The following DNAH6 variants were observed in gnomAD, a reference collection of about 807,000 sequenced individuals.
DNAH6 encodes axonemal beta dynein heavy chain 6.
In DNAH6, 340 loss-of-function variants were observed where a neutral mutation model predicts 491.4. The observed-to-expected ratio is 0.69, with a 90% CI of 0.63 to 0.76. The LOEUF is 0.76. Among genes scored for constraint, DNAH6 ranks in the 30% least tolerant of loss-of-function variants. The probability of loss-of-function intolerance (pLI) is 0.00; values close to 1 mark genes in which losing one functional copy is unlikely to be tolerated. For missense variants in DNAH6, 4,443 were observed against 4,972.2 expected (o/e 0.89, Z 3.20); for synonymous variants, 1,603 against 1,686.1 (o/e 0.95, Z 1.21).
At chr2:84,516,607 G>A (rs946339050) in intron 1 of DNAH6, 24 bp downstream of exon 1, 2 of 152,190 alleles carry the variant, frequency 1.3e-5, no homozygotes, top group African/African-American at 4.8e-5. Flanking sequence ...ACCGACCCTC[G>A]GGCCTGGGCT....
At position 84,579,680 on chromosome 2, in the gene DNAH6, G is replaced by T. The variant is rs771324540; in HGVS notation, c.2229+1G>T. On this transcript the variant is annotated splice_donor_variant, in intron 14 of 76. Coordinates refer to ENST00000389394, the MANE Select transcript of DNAH6 (RefSeq NM_001370.2). LOFTEE classifies it high-confidence loss of function. ...ATTTCTTGATGAAATTCAGGAACGG[G>T]TGAGTTGATTATCTCATATAACTCA... 3 of 1,577,426 alleles carry T rather than the reference G, an allele frequency of 1.9e-6. No individual in the cohort carries two copies. Among genetic ancestry groups the T allele is most frequent in the South Asian group, 1.2e-5 (1 of 83,942 alleles).
intron 39 of DNAH6, among the ~76,000 whole-genome samples, chr2:84,670,753 TG>T (rs1385685703): frequency 2.0e-5 from 3 of 152,232 alleles, no homozygotes; most frequent in Non-Finnish European, 4.4e-5. Flanking sequence ...CAACATGCAC[TG>T]ATTTCCCCTT....
chr2:84,571,208 A>G (rs1681824669), intron 11 of DNAH6, among the ~76,000 whole-genome samples: 1 of 152,226 alleles, frequency 6.6e-6, no homozygotes. Context: ...GTAGAAAGAA[A>G]ACACAATTAG....
the DNAH6 span, among the ~76,000 whole-genome samples, chr2:84,507,469 G>T: frequency 6.6e-6 from 1 of 152,208 alleles, no homozygotes; most frequent in Non-Finnish European, 1.5e-5. Flanking sequence ...ATTTTGGGCT[G>T]AGACGATGGG....
At position 84,589,944 on chromosome 2, in the gene DNAH6, C is replaced by T. The variant is rs1035526302; in HGVS notation, c.2610+990C>T. Among the ~76,000 whole-genome samples the T allele has an allele frequency of 7.9e-5, 12 of 152,110 alleles. 1 individual carries two copies. In the Middle Eastern group the frequency reaches 0.014, roughly 174 times the overall value. On this transcript the variant is annotated intron_variant, in intron 16 of 76. Coordinates refer to ENST00000389394, the MANE Select transcript of DNAH6 (RefSeq NM_001370.2). ...AAAATCTCGGAGGAACATGCTTGAA[C>T]CTCACAGGGGAATGCACCTGTCTCT...
chr2:84,706,374 T>C (rs957052639), intron 52 of DNAH6, among the ~76,000 whole-genome samples: 2 of 152,260 alleles, frequency 1.3e-5, no homozygotes, highest in Non-Finnish European at 1.5e-5. Context: ...TTATTGACTC[T>C]GGAGTTCAAA....
chr2:84,483,885 A>G, the DNAH6 span, among the ~76,000 whole-genome samples: 1 of 151,976 alleles, frequency 6.6e-6, no homozygotes, highest in Non-Finnish European at 1.5e-5. Flanking sequence ...GGGCTTTATT[A>G]TTTCTGAGTA....
chr2:84,764,713 T>C (rs187532188), intron 64 of DNAH6, among the ~76,000 whole-genome samples: 61 of 152,272 alleles, frequency 4.0e-4, no homozygotes, highest in African/African-American at 1.3e-3. Flanking sequence ...TTAATTCATT[T>C]AAGATAATGG....
the DNAH6 span, among the ~76,000 whole-genome samples, chr2:84,490,537 A>G: frequency 6.6e-6 from 1 of 152,138 alleles, no homozygotes; most frequent in Non-Finnish European, 1.5e-5. Context: ...TGCCTTTTCC[A>G]GAATGATATA....
intron 61 of DNAH6, among the ~76,000 whole-genome samples, chr2:84,731,228 C>T (rs745474287): frequency 3.3e-5 from 5 of 152,164 alleles, no homozygotes; most frequent in Non-Finnish European, 5.9e-5. Flanking sequence ...AGGGCTCCTG[C>T]CTACTCCCCA....
At chr2:84,768,770 A>G (rs1675333460) in intron 64 of DNAH6, among the ~76,000 whole-genome samples, 1 of 152,236 alleles carries the variant, frequency 6.6e-6, no homozygotes, top group African/African-American at 2.4e-5. Flanking sequence ...GTTGATCTAT[A>G]TATTCAATGC....
intron 4 of DNAH6, among the ~76,000 whole-genome samples, chr2:84,530,787 G>A (rs73945107): frequency 0.04 from 6,120 of 152,254 alleles, 426 homozygotes; most frequent in African/African-American, 0.14. Flanking sequence ...TACAGACATT[G>A]TGTAGGGTAG....
At chr2:84,775,519 T>C (rs1010291987) in intron 64 of DNAH6, among the ~76,000 whole-genome samples, 5 of 152,174 alleles carry the variant, frequency 3.3e-5, no homozygotes, top group African/African-American at 1.2e-4. Flanking sequence ...TGATGCTGAC[T>C]TCACAGAATG....
intron 16 of DNAH6, among the ~76,000 whole-genome samples, chr2:84,590,693 C>T (rs1684035223): frequency 6.6e-6 from 1 of 152,116 alleles, no homozygotes; most frequent in Non-Finnish European, 1.5e-5. Flanking sequence ...CAGTCTCTTG[C>T]ACCCTGGGCA....
chr2:84,682,033 C>G (rs1693828974), intron 42 of DNAH6, among the ~76,000 whole-genome samples: 1 of 152,166 alleles, frequency 6.6e-6, no homozygotes, highest in African/African-American at 2.4e-5. Context: ...GACCCATATC[C>G]CCTGATGGTA....
chr2:84,658,600 A>G, intron 36 of DNAH6, 126 bp downstream of exon 36: 1 of 633,728 alleles, frequency 1.6e-6, no homozygotes, highest in Non-Finnish European at 2.5e-6. Flanking sequence ...TCAGGGGACT[A>G]ATAGCTATGA....
intron 71 of DNAH6, 44 bp downstream of exon 71, chr2:84,805,838 G>C (rs761759147): frequency 1.3e-6 from 2 of 1,517,344 alleles, no homozygotes; most frequent in African/African-American, 2.8e-5. Context: ...GGAATTTTAG[G>C]AATAAACTCA....
intron 70 of DNAH6, among the ~76,000 whole-genome samples, chr2:84,803,037 A>G (rs1335415907): frequency 6.6e-6 from 1 of 152,226 alleles, no homozygotes; most frequent in East Asian, 1.9e-4. Context: ...CAAGACACCA[A>G]AAGCTCTGAG....
intron 4 of DNAH6, among the ~76,000 whole-genome samples, chr2:84,531,812 T>A (rs76760060): frequency 0.024 from 3,591 of 152,184 alleles, 57 homozygotes; most frequent in Middle Eastern, 0.092. Context: ...TAACATATAA[T>A]GTAATTTAAA....
Sources: allele counts gnomAD v4.1 joint callset (sites outside exome capture counted in the v4.1 genomes callset), GRCh38; gene constraint gnomAD v4.1.1; transcripts MANE v1.5; gene names NCBI Gene and HGNC (gene_info 2026-07-23, HGNC 2026-07-21).